MCAM: variants seen among roughly 807,000 people sequenced by gnomAD.
The protein encoded by MCAM is melanoma cell adhesion molecule.
A neutral mutation model predicts 79.1 loss-of-function variants in MCAM; 55 were observed. The observed-to-expected ratio is 0.70, with a 90% CI of 0.56 to 0.87. The LOEUF (loss-of-function observed/expected upper bound fraction) is 0.87, where lower values mean the gene tolerates loss of function less well. MCAM is among the 40% of genes least tolerant of loss of function. The pLI, the probability that MCAM is intolerant of heterozygous loss-of-function variation, is 0.00. For synonymous variants in MCAM, 330 were observed against 339.8 expected (o/e 0.97, Z 0.32); for missense variants, 745 against 839.8 (o/e 0.89, Z 1.40).
In MCAM at chr11:119,311,458, G is replaced by A. The variant is rs993930501; in HGVS notation, c.1408-37C>T. 6.2e-7 allele frequency: 1 copy of A among 1,613,654 alleles called. No individual in the cohort carries two copies. The highest frequency in any genetic ancestry group is 1.7e-5 in the Admixed American group (1 of 60,014). ...GGAAGGAGGCAGCTCAGGGGATGGG[G>A]AGGATCTCTGGTCCTGGCCACAAAG... On this transcript the variant is annotated intron_variant, in intron 11 of 15. Coordinates refer to ENST00000264036, the MANE Select transcript of MCAM (RefSeq NM_006500.3). The surrounding 1 kb of genome is among the most constrained non-coding windows in gnomAD (Gnocchi z 4.4).
At chr11:119,314,015 AGG>A in intron 5 of MCAM, 2 of 981,804 alleles carry the variant, frequency 2.0e-6, no homozygotes, top group Non-Finnish European at 2.4e-6. Context: ...TATTTCTGGG[AGG>A]GGGGGTCTCA....
intron 15 of MCAM, 102 bp downstream of exon 15, chr11:119,310,247 A>C (rs1303400986): frequency 2.4e-6 from 2 of 834,388 alleles, no homozygotes; most frequent in African/African-American, 3.4e-5. Context: ...CCTGCTCCCT[A>C]TCTCTGACAA....
intron 5 of MCAM, chr11:119,314,065 T>C (rs1423975789): frequency 1.0e-6 from 1 of 976,822 alleles, no homozygotes; most frequent in Non-Finnish European, 1.2e-6. Flanking sequence ...TCAGTTTAAA[T>C]TCTCATGAAA....
rs146231211 is a variant in MCAM, at chr11:119,310,872, G to T, written c.1677C>A (p.Gly559=). ...ACACAATCACAGCCACGATGACCAC[G>T]CCCCGGCTCTCCGGCTCCGGCAGCT... ...ERKLPEPESR[G]VVIVAVIVCI... The change falls in exon 14 of 16, where the codon GGC becomes GGA. Residue 559 remains glycine, a synonymous_variant. Transcript: ENST00000264036. 1 of 1,614,038 alleles carries T rather than the reference G, an allele frequency of 6.2e-7. No individual in the cohort carries two copies. The highest frequency in any genetic ancestry group is 8.5e-7 in the Non-Finnish European group (1 of 1,180,036).
chr11:119,310,649 C>G, intron 14 of MCAM, 107 bp downstream of exon 14: 1 of 1,314,486 alleles, frequency 7.6e-7, no homozygotes, highest in Admixed American at 1.8e-5. Flanking sequence ...CAGGCAGCAC[C>G]CTGACCCAGG....
chr11:119,310,860 C>G lies in MCAM; in HGVS notation c.1689G>C (p.Val563=). ...PEPESRGVVI[V]AVIVCILVLA... is the part of the protein sequence containing the mutation. ...GGACCAGGATGCACACAATCACAGCCACGATGACCACGCCCCGGCTCTCCG... is the reference window on the plus strand; with the variant it reads ...GGACCAGGATGCACACAATCACAGCGACGATGACCACGCCCCGGCTCTCCG... The change falls in exon 14 of 16, where the codon GTG becomes GTC. Residue 563 remains valine (V), a synonymous_variant. Coordinates refer to ENST00000264036, the MANE Select transcript of MCAM (RefSeq NM_006500.3). 6.2e-7 allele frequency: 1 copy of G among 1,614,196 alleles called. No homozygotes were observed. The highest frequency in any genetic ancestry group is 8.5e-7 in the Non-Finnish European group (1 of 1,180,046).
At position 119,308,594 on chromosome 11, in the gene MCAM, TA is replaced by T. The variant is rs1950174266; in HGVS notation, c.*1291del. ...ATTTTCATATATATATATACATACATATATAAAGGAAACAATTTGCAAATTT... is the reference window on the plus strand; with the variant it reads ...ATTTTCATATATATATATACATACATTATAAAGGAAACAATTTGCAAATTT... On this transcript the variant is annotated 3_prime_UTR_variant, in exon 16 of 16. Coordinates refer to ENST00000264036, the MANE Select transcript of MCAM (RefSeq NM_006500.3). 6.6e-6 allele frequency: 1 copy of T among 151,148 alleles called. No homozygotes were observed. The highest frequency in any genetic ancestry group is 1.5e-5 in the Non-Finnish European group (1 of 67,870). The allele number at this position is 151,148 out of a possible 1,614,324, so 9.4% of individuals were successfully genotyped here.
Position 119,310,377 on chromosome 11 carries a change from C to A in MCAM, c.1883G>T (p.Ser628Ile), listed in dbSNP as rs776941354. 12 of 1,613,984 alleles carry A rather than the reference C, an allele frequency of 7.4e-6. No homozygotes were observed. The Admixed American group carries it at 1.3e-4, about 18-fold the overall frequency. Residue 628 changes from serine (S) to isoleucine (I), a missense_variant, in exon 15 of 16, where the codon AGC becomes ATC. By Grantham distance (142) the Ser-to-Ile change is moderately radical. Coordinates refer to ENST00000264036, the MANE Select transcript of MCAM (RefSeq NM_006500.3). Reference protein sequence around the residue: ...PEEMGLLQGSSGDKRAPGDQG... With the variant: ...PEEMGLLQGSIGDKRAPGDQG... Reference sequence around the variant, plus strand: ...GTCTCCCGGAGCCCTCTTGTCACCGCTGCTGCCCTGCAGGAGGCCCATCTC... The same window carrying A: ...GTCTCCCGGAGCCCTCTTGTCACCGATGCTGCCCTGCAGGAGGCCCATCTC...
In MCAM at chr11:119,309,759, A is replaced by G; in HGVS notation, c.*127T>C. 4.0e-6 allele frequency: 4 copies of G among 992,088 alleles called. No individual in the cohort carries two copies. Among genetic ancestry groups the G allele is most frequent in the South Asian group, 1.5e-5 (1 of 67,994 alleles). The allele number at this position is 992,088 out of a possible 1,614,324, so 61.5% of individuals were successfully genotyped here. A position where few individuals can be genotyped will look rare whatever the true frequency, so the allele number is the denominator to read the frequency against. ...AGGTCCTAACCCAGTGGCCCTCTGA[A>G]AGGGGGTGTGCAGGCGAGGGGAGCA... On this transcript the variant is annotated 3_prime_UTR_variant, in exon 16 of 16. Coordinates refer to ENST00000264036, the MANE Select transcript of MCAM (RefSeq NM_006500.3).
Position 119,317,091 on chromosome 11 carries a change from G to A in MCAM, c.11C>T (p.Pro4Leu). The A allele has an allele frequency of 6.5e-7, 1 of 1,531,014 alleles. No individual in the cohort carries two copies. The highest frequency in any genetic ancestry group is 8.7e-7 in the Non-Finnish European group (1 of 1,142,910). The allele number at this position is 1,531,014 out of a possible 1,614,324, so 94.8% of individuals were successfully genotyped here. The change falls in exon 1 of 16, where the codon CCC becomes CTC. Residue 4 changes from proline to leucine, a missense_variant. Coordinates refer to ENST00000264036, the MANE Select transcript of MCAM (RefSeq NM_006500.3). The surrounding 1 kb of genome is among the most constrained non-coding windows in gnomAD (Gnocchi z 6.2). MGLPRLVCAFLLAA... is the reference protein window; with the variant it reads MGLLRLVCAFLLAA... ...GAGCAAGAAGGCGCAGACCAGCCTG[G>A]GAAGCCCCATGCTTCCCGGCCGGAG...
rs951042368 is a variant in MCAM, at chr11:119,314,938, C to G, written c.295G>C (p.Ala99Pro). The change falls in exon 3 of 16, where the codon GCT becomes CCT. Residue 99 changes from alanine (A) to proline (P), a missense_variant. By Grantham distance (27) the Ala-to-Pro change is conservative. Transcript: ENST00000264036. ...EQRLSLQDRGATLALTQVTPQ... is the reference protein window; with the variant it reads ...EQRLSLQDRGPTLALTQVTPQ... ...GTGACTTGAGTCAGGGCCAGAGTAG[C>G]CCCTCTGTCCTGGAGGCTGAGCCGC... 6.2e-7 allele frequency: 1 copy of G among 1,612,828 alleles called. No individual in the cohort carries two copies. The highest frequency in any genetic ancestry group is 8.5e-7 in the Non-Finnish European group (1 of 1,180,020).
In MCAM at chr11:119,316,359, C is replaced by G. The variant is rs1950310815; in HGVS notation, c.67+676G>C. Reference sequence around the variant, plus strand: ...ACCAGGCGGATCCGGAGAAACGCTCCGAGGTGCCCGGGCGCACTTCCCACC... The same window carrying G: ...ACCAGGCGGATCCGGAGAAACGCTCGGAGGTGCCCGGGCGCACTTCCCACC... On this transcript the variant is annotated intron_variant, in intron 1 of 15. Transcript: ENST00000264036. The surrounding 1 kb of genome is among the most constrained non-coding windows in gnomAD (Gnocchi z 4.8). Among the ~76,000 whole-genome samples the G allele has an allele frequency of 6.6e-6, 1 of 152,214 alleles. No individual in the cohort carries two copies. The highest frequency in any genetic ancestry group is 1.9e-4 in the East Asian group (1 of 5,184).
Position 119,315,435 on chromosome 11 carries a change from T to A in MCAM, c.68-172A>T. On this transcript the variant is annotated intron_variant, in intron 1 of 15. Coordinates refer to ENST00000264036, the MANE Select transcript of MCAM (RefSeq NM_006500.3). The surrounding 1 kb of genome is among the most constrained non-coding windows in gnomAD (Gnocchi z 4.4). ...ACCCGCGCCCCACCTGGGCCAGCCCTCTCCCCGTCCAGGAGATCCCAGGTC... is the reference window on the plus strand; with the variant it reads ...ACCCGCGCCCCACCTGGGCCAGCCCACTCCCCGTCCAGGAGATCCCAGGTC... The A allele has an allele frequency of 1.3e-6, 1 of 751,370 alleles. No homozygotes were observed. Among genetic ancestry groups the A allele is most frequent in the South Asian group, 1.8e-5 (1 of 55,066 alleles). 46.5% of individuals were successfully genotyped at this position (751,370 alleles called of 1,614,324 possible). A position where few individuals can be genotyped will look rare whatever the true frequency, so the allele number is the denominator to read the frequency against.
rs921133911 is a variant in MCAM at position 119,316,593 on chromosome 11, G to C, written c.67+442C>G. On this transcript the variant is annotated intron_variant, in intron 1 of 15. Transcript: ENST00000264036. This position sits in a 1 kb window ranked among gnomAD's most constrained non-coding sequence, Gnocchi z 4.8. ...CCTGGCGTGATGCCCAGGCAGAAGG[G>C]GGAAGGGGTGGGTCGGCGCACCCCC... 1.3e-5 allele frequency: 2 copies of C among 158,516 alleles called. No individual in the cohort carries two copies. The highest frequency in any genetic ancestry group is 2.8e-5 in the Non-Finnish European group (2 of 71,976). 9.8% of individuals were successfully genotyped at this position (158,516 alleles called of 1,614,324 possible). A position where few individuals can be genotyped will look rare whatever the true frequency, so the allele number is the denominator to read the frequency against.
chr11:119,309,498 A>ATCTCGGTGGT lies in MCAM; in HGVS notation c.*387_*388insACCACCGAGA. The ATCTCGGTGGT allele has an allele frequency of 3.7e-6, 1 of 270,830 alleles. No individual in the cohort carries two copies. The highest frequency in any genetic ancestry group is 7.1e-6 in the Non-Finnish European group (1 of 140,462). The allele number at this position is 270,830 out of a possible 1,614,324, so 16.8% of individuals were successfully genotyped here. A position where few individuals can be genotyped will look rare whatever the true frequency, so the allele number is the denominator to read the frequency against. On this transcript the variant is annotated 3_prime_UTR_variant, in exon 16 of 16. Transcript: ENST00000264036. ...CTTCAGTGGTGCACCTGGATGGTGG[A>ATCTCGGTGGT]AGCCAGCCTTTGGGGCAGGAAACCA...
At chr11:119,313,474 C>T (rs1293843145) in intron 5 of MCAM, 32 of 474,850 alleles carry the variant, frequency 6.7e-5, no homozygotes, top group African/African-American at 4.7e-4. Context: ...CTCGGCTCAC[C>T]GCAACCTCCA....
Position 119,309,812 on chromosome 11 carries a change from G to T in MCAM, c.*74C>A. 6.9e-7 allele frequency: 1 copy of T among 1,440,478 alleles called. No homozygotes were observed. Among genetic ancestry groups the T allele is most frequent in the East Asian group, 2.4e-5 (1 of 42,214 alleles). The allele number at this position is 1,440,478 out of a possible 1,614,324, so 89.2% of individuals were successfully genotyped here. A position where few individuals can be genotyped will look rare whatever the true frequency, so the allele number is the denominator to read the frequency against. On this transcript the variant is annotated 3_prime_UTR_variant, in exon 16 of 16. Transcript: ENST00000264036. ...AGGCTTCTCTCTAGTCCCTTTGGAG[G>T]CTTTGGCTGAGAGAAGAGTGAGCAG... is the stretch of plus-strand genomic sequence containing the variant.
At position 119,312,599 on chromosome 11, in the gene MCAM, C is replaced by T. The variant is rs759145977; in HGVS notation, c.789G>A (p.Lys263=). 1.2e-6 allele frequency: 2 copies of T among 1,614,170 alleles called. No individual in the cohort carries two copies. The highest frequency in any genetic ancestry group is 1.7e-6 in the Non-Finnish European group (2 of 1,180,034). Residue 263 remains lysine, a synonymous_variant, in exon 7 of 16, where the codon AAG becomes AAA. Coordinates refer to ENST00000264036, the MANE Select transcript of MCAM (RefSeq NM_006500.3). The surrounding 1 kb of genome is among the most constrained non-coding windows in gnomAD (Gnocchi z 4.9). ...WLEVEPVGML[K]EGDRVEIRCL... is the part of the protein sequence containing the mutation. ...ACCTGATTTCCACGCGGTCCCCTTCCTTCAGCATTCCCACGGGCTCCACTT... is the reference window on the plus strand; with the variant it reads ...ACCTGATTTCCACGCGGTCCCCTTCTTTCAGCATTCCCACGGGCTCCACTT...
Position 119,310,362 on chromosome 11 carries a change from G to A in MCAM, c.1898C>T (p.Ala633Val). The change falls in exon 15 of 16, where the codon GCT becomes GTT. Residue 633 changes from alanine (A) to valine (V), a missense_variant. By Grantham distance (64) the Ala-to-Val change is moderately conservative (BLOSUM62 0). Transcript: ENST00000264036. ...ACCGCCTCCTACCTGGTCTCCCGGA[G>A]CCCTCTTGTCACCGCTGCTGCCCTG... Reference protein sequence around the residue: ...LLQGSSGDKRAPGDQGEKYID... With the variant: ...LLQGSSGDKRVPGDQGEKYID... The A allele has an allele frequency of 1.9e-6, 3 of 1,612,562 alleles. No homozygotes were observed. Among genetic ancestry groups the A allele is most frequent in the Non-Finnish European group, 2.5e-6 (3 of 1,178,704 alleles).
Sources: allele counts gnomAD v4.1 joint callset (sites outside exome capture counted in the v4.1 genomes callset), GRCh38; gene constraint gnomAD v4.1.1; non-coding constraint Gnocchi (gnomAD v3.1); transcripts MANE v1.5; gene names NCBI Gene and HGNC (gene_info 2026-07-23, HGNC 2026-07-21).